The following ZDHHC15 variants were observed in gnomAD, a reference collection of about 807,000 sequenced individuals.
ZDHHC15 encodes zDHHC palmitoyltransferase 15.
In ZDHHC15, 19 loss-of-function variants were observed where a neutral mutation model predicts 31.7. The ratio of observed to expected loss-of-function variants is 0.60; its 90% CI spans 0.42 to 0.88. The LOEUF (loss-of-function observed/expected upper bound fraction) is 0.88. ZDHHC15 is among the 40% of genes least tolerant of loss of function. The pLI, the probability that ZDHHC15 is intolerant of heterozygous loss-of-function variation, is 0.00. For missense variants in ZDHHC15, 209 were observed against 251.2 expected (o/e 0.83, Z 1.14); for synonymous variants, 103 against 90.0 (o/e 1.14, Z -0.82).
intron 2 of ZDHHC15, among the ~76,000 whole-genome samples, chrX:75,481,565 AC>A (rs1460381963): frequency 8.9e-6 from 1 of 111,968 alleles, no homozygotes; most frequent in East Asian, 2.8e-4. Flanking sequence ...AGGTTAAATG[AC>A]TAAGTCGAGG....
At chrX:75,455,417 A>G (rs184606680) in intron 3 of ZDHHC15, among the ~76,000 whole-genome samples, 122 of 112,134 alleles carry the variant, frequency 1.1e-3, no homozygotes, top group African/African-American at 3.8e-3. Context: ...TAAAAACCCT[A>G]GAAGAAAACC....
chrX:75,504,698 C>A (rs1047513877), intron 2 of ZDHHC15, among the ~76,000 whole-genome samples: 4 of 111,487 alleles, frequency 3.6e-5, no homozygotes, highest in African/African-American at 9.7e-5. Context: ...TAAGCCTCTA[C>A]TCAATTTGTC....
chrX:75,462,216 A>C (rs1198269068), intron 3 of ZDHHC15, among the ~76,000 whole-genome samples: 3 of 112,718 alleles, frequency 2.7e-5, no homozygotes, highest in African/African-American at 9.7e-5. Context: ...GTTCAATTCA[A>C]CAAGAAGAGC....
At chrX:75,460,655 C>T (rs2084298744) in intron 3 of ZDHHC15, among the ~76,000 whole-genome samples, 1 of 110,458 alleles carries the variant, frequency 9.1e-6, no homozygotes, top group Non-Finnish European at 1.9e-5. Context: ...AAAAATGAGG[C>T]AAGTAGGGTC....
chrX:75,395,139 G>T (rs2083285762), intron 10 of ZDHHC15, among the ~76,000 whole-genome samples: 1 of 111,174 alleles, frequency 9.0e-6, no homozygotes, highest in South Asian at 3.8e-4. Flanking sequence ...AAATTAAGAA[G>T]GGAAGTGAAA....
At position 75,509,908 on chromosome X, in the gene ZDHHC15, C is replaced by T. The variant is rs561968663; in HGVS notation, c.137-4061G>A. 1.2e-4 allele frequency among the ~76,000 whole-genome samples: 13 copies of T among 112,168 alleles called. No individual in the cohort carries two copies. The South Asian group carries it at 4.8e-3, about 41-fold the overall frequency. On this transcript the variant is annotated intron_variant, in intron 1 of 11. Coordinates refer to ENST00000373367, the MANE Select transcript of ZDHHC15 (RefSeq NM_144969.3). ...AAAAATGTTATGGTTCCCAGAGTTA[C>T]ATATGATGGTATTAAAATAATTTAT...
At chrX:75,393,532 G>A (rs777081142) in intron 10 of ZDHHC15, among the ~76,000 whole-genome samples, 20 of 111,158 alleles carry the variant, frequency 1.8e-4, no homozygotes, top group Non-Finnish European at 3.2e-4. Flanking sequence ...CAGGAGTGTC[G>A]AGTGTATTTA....
chrX:75,416,407 G>A (rs1310654630), intron 10 of ZDHHC15, among the ~76,000 whole-genome samples: 1 of 111,954 alleles, frequency 8.9e-6, no homozygotes, highest in East Asian at 2.8e-4. Context: ...CTTTCTAATG[G>A]TTGGTATTAG....
intron 1 of ZDHHC15, among the ~76,000 whole-genome samples, chrX:75,510,480 T>A (rs2085245124): frequency 9.4e-6 from 1 of 106,699 alleles, no homozygotes; most frequent in African/African-American, 3.4e-5. Flanking sequence ...TCTTCTGTTT[T>A]TTTTTTTTTT....
intron 1 of ZDHHC15, among the ~76,000 whole-genome samples, chrX:75,508,818 T>C (rs2085212388): frequency 9.0e-6 from 1 of 111,038 alleles, no homozygotes; most frequent in Non-Finnish European, 1.9e-5. Flanking sequence ...TGTTATTTCC[T>C]GGTTTTTAAT....
At chrX:75,378,187 AC>A (rs199972948) in intron 11 of ZDHHC15, among the ~76,000 whole-genome samples, 3,204 of 111,779 alleles carry the variant, frequency 0.029, 51 homozygotes, top group Non-Finnish European at 0.045. Context: ...CTGAGTTACA[AC>A]CCTAGGTTGG....
intron 2 of ZDHHC15, among the ~76,000 whole-genome samples, chrX:75,489,286 C>T (rs2084831032): frequency 8.9e-6 from 1 of 112,146 alleles, no homozygotes; most frequent in Admixed American, 9.4e-5. Flanking sequence ...AACGGACAGA[C>T]TGCCTCCTCA....
At chrX:75,437,103 G>A (rs1448807675) in intron 4 of ZDHHC15, among the ~76,000 whole-genome samples, 136 of 110,287 alleles carry the variant, frequency 1.2e-3, no homozygotes, top group Non-Finnish European at 1.4e-3. Flanking sequence ...GGATGGTCTT[G>A]ATCGCCTTAC....
intron 10 of ZDHHC15, among the ~76,000 whole-genome samples, chrX:75,397,472 T>C (rs753683841): frequency 1.3e-4 from 14 of 111,635 alleles, no homozygotes; most frequent in African/African-American, 4.2e-4. Flanking sequence ...ACACATTGTA[T>C]ACCTGTATTA....
intron 4 of ZDHHC15, among the ~76,000 whole-genome samples, chrX:75,443,915 G>A (rs1258002027): frequency 9.0e-6 from 1 of 111,210 alleles, no homozygotes; most frequent in African/African-American, 3.3e-5. Context: ...AAACCACAAT[G>A]AGATACCATC....
chrX:75,399,181 G>A (rs1314036119), intron 10 of ZDHHC15, among the ~76,000 whole-genome samples: 2 of 110,582 alleles, frequency 1.8e-5, no homozygotes, highest in Admixed American at 9.6e-5. Context: ...TCCTCAATGG[G>A]CAGGTCCTCC....
intron 2 of ZDHHC15, among the ~76,000 whole-genome samples, chrX:75,484,614 A>G (rs2084748499): frequency 8.9e-6 from 1 of 112,133 alleles, no homozygotes; most frequent in East Asian, 2.8e-4. Flanking sequence ...TATATCAATT[A>G]TAGGAAAGCA....
chrX:75,441,644 G>C (rs1409809766), intron 4 of ZDHHC15, among the ~76,000 whole-genome samples: 1 of 97,935 alleles, frequency 1.0e-5, no homozygotes, highest in Middle Eastern at 4.7e-3. Context: ...TTTTTCCTGA[G>C]ACAGAGTCTC....
At chrX:75,489,415 G>A (rs1389586920) in intron 2 of ZDHHC15, among the ~76,000 whole-genome samples, 1 of 111,745 alleles carries the variant, frequency 8.9e-6, no homozygotes, top group Non-Finnish European at 1.9e-5. Flanking sequence ...TGATCAGGCA[G>A]CAACATTTGC....
Sources: allele counts gnomAD v4.1 joint callset (sites outside exome capture counted in the v4.1 genomes callset), GRCh38; gene constraint gnomAD v4.1.1; transcripts MANE v1.5; gene names NCBI Gene and HGNC (gene_info 2026-07-23, HGNC 2026-07-21).